Variants in TNRC6A observed in about 807,000 individuals in gnomAD.
TNRC6A encodes the protein trinucleotide repeat-containing gene 6A protein.
In TNRC6A, 44 loss-of-function variants were observed where a neutral mutation model predicts 221.2. The observed-to-expected ratio is 0.20, with a 90% CI of 0.16 to 0.26. The LOEUF (loss-of-function observed/expected upper bound fraction) is 0.26. TNRC6A is among the 10% of genes least tolerant of loss of function. The pLI is 1.00. For missense variants in TNRC6A, 2,199 were observed against 2,404.4 expected, an observed-to-expected ratio of 0.91 and a Z score of 1.79; for synonymous variants, 847 against 838.5, an observed-to-expected ratio of 1.01 and a Z score of -0.18.
intron 1 of TNRC6A, among the ~76,000 whole-genome samples, chr16:24,629,506 G>C (rs1272478417): frequency 2.6e-5 from 4 of 152,086 alleles, no homozygotes; most frequent in Admixed American, 2.0e-4. Context: ...ATTCCGCTTA[G>C]AGCAATAGTT....
chr16:24,748,118 A>G (rs2057052991), intron 2 of TNRC6A, among the ~76,000 whole-genome samples: 1 of 152,216 alleles, frequency 6.6e-6, no homozygotes, highest in Non-Finnish European at 1.5e-5. Flanking sequence ...AGTGCTTACT[A>G]GATAAGCTTT....
intron 2 of TNRC6A, among the ~76,000 whole-genome samples, chr16:24,685,875 G>A (rs2055616784): frequency 6.6e-6 from 1 of 152,216 alleles, no homozygotes; most frequent in African/African-American, 2.4e-5. Flanking sequence ...TGACACAACA[G>A]TTGTCTATCC....
chr16:24,649,500 G>A (rs796345641), intron 2 of TNRC6A, among the ~76,000 whole-genome samples: 2 of 151,742 alleles, frequency 1.3e-5, no homozygotes, highest in African/African-American at 4.8e-5. Flanking sequence ...GTAGAGACAG[G>A]ATCTCCCTAT....
At chr16:24,784,027 C>T (rs536034246) in intron 5 of TNRC6A, among the ~76,000 whole-genome samples, 3 of 152,112 alleles carry the variant, frequency 2.0e-5, no homozygotes, top group South Asian at 4.1e-4. Flanking sequence ...GATGGAGTTT[C>T]GCTCTTACAT....
intron 4 of TNRC6A, among the ~76,000 whole-genome samples, chr16:24,764,330 CTTTTT>C (rs938169376): frequency 1.4e-5 from 2 of 142,036 alleles, no homozygotes; most frequent in African/African-American, 5.1e-5. Context: ...CTTTTCTTTT[CTTTTT>C]TTTTTTTTTG....
At chr16:24,614,521 G>C (rs1445548442) in intron 1 of TNRC6A, among the ~76,000 whole-genome samples, 1 of 152,200 alleles carries the variant, frequency 6.6e-6, no homozygotes, top group Non-Finnish European at 1.5e-5. Context: ...ATCAGACTTT[G>C]CTTTTTGCTT....
At chr16:24,613,779 G>A (rs1239998887) in intron 1 of TNRC6A, among the ~76,000 whole-genome samples, 7 of 151,986 alleles carry the variant, frequency 4.6e-5, no homozygotes, top group Admixed American at 1.3e-4. Context: ...CAGGTGATCC[G>A]CCTGCCTTGG....
chr16:24,791,153 G>A lies in TNRC6A; in HGVS notation c.2511G>A (p.Gln837=). 6.2e-7 allele frequency: 1 copy of A among 1,614,132 alleles called. No homozygotes were observed. Among genetic ancestry groups the A allele is most frequent in the Non-Finnish European group, 8.5e-7 (1 of 1,180,028 alleles). ...GGAATGACTCGCAAAAGAATAAACA[G>A]GGATGGGGTGATGGACAAAAATCAA... ...AAWNDSQKNK[Q]GWGDGQKSSQ... is the part of the protein sequence containing the mutation. Residue 837 remains glutamine (Q), a synonymous_variant, in exon 6 of 25, where the codon CAG becomes CAA. Transcript: ENST00000395799.
intron 2 of TNRC6A, among the ~76,000 whole-genome samples, chr16:24,737,523 C>T (rs2056796650): frequency 6.6e-6 from 1 of 152,204 alleles, no homozygotes; most frequent in Non-Finnish European, 1.5e-5. Context: ...GAATTTTTAG[C>T]AGTAGTATAT....
intron 4 of TNRC6A, among the ~76,000 whole-genome samples, chr16:24,761,166 A>G (rs1031341155): frequency 6.6e-6 from 1 of 152,212 alleles, no homozygotes; most frequent in African/African-American, 2.4e-5. Flanking sequence ...GTCAAGTACC[A>G]GAAATGGGAC....
At chr16:24,797,379 T>C in intron 9 of TNRC6A, 111 bp from the exon 10 acceptor site, 1 of 714,130 alleles carries the variant, frequency 1.4e-6, no homozygotes, top group Non-Finnish European at 2.3e-6. Context: ...GAGGAGAAAT[T>C]ATTGGCTAAA....
At chr16:24,799,828 T>G (rs182131370) in intron 11 of TNRC6A, among the ~76,000 whole-genome samples, 32 of 152,298 alleles carry the variant, frequency 2.1e-4, no homozygotes, top group Non-Finnish European at 7.3e-5. Flanking sequence ...AAACCTTCAT[T>G]CACAAAGGAT....
chr16:24,689,989 TAAAAAAAAAAAAAAA>T (rs60944175), intron 2 of TNRC6A, among the ~76,000 whole-genome samples: 29 of 97,516 alleles, frequency 3.0e-4, no homozygotes, highest in South Asian at 1.5e-3. Context: ...AGGCTTAAAG[TAAAAAAAAAAAAAAA>T]AAAAAAAAAA....
intron 1 of TNRC6A, among the ~76,000 whole-genome samples, chr16:24,639,957 C>CATA: frequency 6.6e-6 from 1 of 152,150 alleles, no homozygotes. Context: ...GCACTTGGCC[C>CATA]AGTCACTGTT....
Position 24,822,059 on chromosome 16 carries a change from CT to C in TNRC6A, c.5303-11del. 7 of 1,613,786 alleles carry C rather than the reference CT, an allele frequency of 4.3e-6. No individual in the cohort carries two copies. Among genetic ancestry groups the C allele is most frequent in the Non-Finnish European group, 5.9e-6 (7 of 1,179,724 alleles). Reference sequence around the variant, plus strand: ...TTCAGTCCTGGAAAACTGACTTGTCCTTTTTTTCCTTGTTTAGGTTCCAGCT... The same window carrying C: ...TTCAGTCCTGGAAAACTGACTTGTCCTTTTTTCCTTGTTTAGGTTCCAGCT... On this transcript the variant is annotated splice_polypyrimidine_tract_variant and intron_variant, in intron 22 of 24. Coordinates refer to ENST00000395799, the MANE Select transcript of TNRC6A (RefSeq NM_014494.4).
chr16:24,718,763 G>A (rs1236932334), intron 2 of TNRC6A, among the ~76,000 whole-genome samples: 1 of 152,108 alleles, frequency 6.6e-6, no homozygotes, highest in African/African-American at 2.4e-5. Context: ...CAGGCTGGGT[G>A]CAGTAGCTCA....
At chr16:24,705,992 T>A (rs897719815) in intron 2 of TNRC6A, among the ~76,000 whole-genome samples, 1 of 152,170 alleles carries the variant, frequency 6.6e-6, no homozygotes, top group African/African-American at 2.4e-5. Context: ...ATGAGTTAAG[T>A]CAGTAATGTA....
chr16:24,687,209 T>C (rs1432180659), intron 2 of TNRC6A, among the ~76,000 whole-genome samples: 1 of 152,192 alleles, frequency 6.6e-6, no homozygotes, highest in East Asian at 1.9e-4. Context: ...AGCATCTAGA[T>C]AATTAGCTAC....
chr16:24,677,768 A>G (rs2055448878), intron 2 of TNRC6A, among the ~76,000 whole-genome samples: 1 of 152,152 alleles, frequency 6.6e-6, no homozygotes, highest in South Asian at 2.1e-4. Context: ...TGCCTGGTGC[A>G]AAGTAGGTAG....
Sources: gnomAD v4.1 joint callset for allele counts (sites outside exome capture counted in the v4.1 genomes callset) on GRCh38, gnomAD v4.1.1 for gene constraint, MANE v1.5 for transcripts, NCBI Gene and HGNC (gene_info 2026-07-23, HGNC 2026-07-21) for gene names.